Variants in SCN9A observed in about 807,000 individuals in gnomAD.
SCN9A encodes sodium channel protein type 9 subunit alpha.
Under a neutral mutation model 187.0 loss-of-function variants are expected in SCN9A, and 131 were observed. The observed-to-expected ratio is 0.70, with a 90% CI of 0.61 to 0.81. SCN9A has a LOEUF of 0.81. Ranked by LOEUF, SCN9A falls within the 30% of genes least tolerant of loss-of-function variation. SCN9A has a pLI of 0.00. For synonymous variants in SCN9A, 809 were observed against 808.6 expected, an observed-to-expected ratio of 1.00 and a Z score of -0.01; for missense variants, 2,252 against 2,396.6, an observed-to-expected ratio of 0.94 and a Z score of 1.26.
At chr2:166,234,541 G>A (rs74845551) in intron 20 of SCN9A, among the ~76,000 whole-genome samples, 3,151 of 152,156 alleles carry the variant, frequency 0.021, 119 homozygotes, top group African/African-American at 0.073. Context: ...CTGATGAAGC[G>A]GGAAGTGTTT....
intron 1 of SCN9A, among the ~76,000 whole-genome samples, chr2:166,345,225 A>G (rs1699872095): frequency 6.6e-6 from 1 of 152,130 alleles, no homozygotes; most frequent in Non-Finnish European, 1.5e-5. Context: ...GTGGTACTCA[A>G]TGTTCTTTCA....
intron 16 of SCN9A, 115 bp from the exon 17 acceptor site, chr2:166,272,990 A>T (rs1408475264): frequency 8.2e-6 from 4 of 484,938 alleles, no homozygotes; most frequent in Non-Finnish European, 1.1e-5. Flanking sequence ...AGCAACGAAG[A>T]TTTCTGCACC....
In SCN9A at chr2:166,233,320, A is replaced by G. The variant is rs1324679269; in HGVS notation, c.3924+20T>C. On this transcript the variant is annotated intron_variant, in intron 21 of 26. Coordinates refer to ENST00000642356, the MANE Select transcript of SCN9A (RefSeq NM_001365536.1). ...CCCCATTAAAAAATAAGAACATTATAAAGTTTAGTATTTTCTTACCCTCAT... is the reference window on the plus strand; with the variant it reads ...CCCCATTAAAAAATAAGAACATTATGAAGTTTAGTATTTTCTTACCCTCAT... 2 of 1,478,600 alleles carry G rather than the reference A, an allele frequency of 1.4e-6. No individual in the cohort carries two copies. Among genetic ancestry groups the G allele is most frequent in the Non-Finnish European group, 1.8e-6 (2 of 1,113,366 alleles). 91.6% of individuals were successfully genotyped at this position (1,478,600 alleles called of 1,614,324 possible). A position where few individuals can be genotyped will look rare whatever the true frequency, so the allele number is the denominator to read the frequency against.
chr2:166,359,694 T>A (rs1700231923), intron 1 of SCN9A, among the ~76,000 whole-genome samples: 1 of 152,090 alleles, frequency 6.6e-6, no homozygotes, highest in African/African-American at 2.4e-5. Flanking sequence ...TATGGCATTT[T>A]ATAGTAGTTG....
Position 166,254,760 on chromosome 2 carries a change from A to G in SCN9A, c.3352-2875T>C, listed in dbSNP as rs1311808090. 3.3e-5 allele frequency among the ~76,000 whole-genome samples: 5 copies of G among 151,586 alleles called. No homozygotes were observed. The South Asian group carries it at 6.2e-4, about 19-fold the overall frequency. On this transcript the variant is annotated intron_variant, in intron 17 of 26. Coordinates refer to ENST00000642356, the MANE Select transcript of SCN9A (RefSeq NM_001365536.1). ...AGAAATTTCTTTTGCTATTATAAAT[A>G]GGACCTTCTGTAATTTTCACATGGA... is the stretch of plus-strand genomic sequence containing the variant.
At chr2:166,273,815 C>G (rs905018379) in intron 16 of SCN9A, among the ~76,000 whole-genome samples, 1 of 152,040 alleles carries the variant, frequency 6.6e-6, no homozygotes, top group African/African-American at 2.4e-5. Flanking sequence ...TTTTAAAAAT[C>G]GAAGTAAGAC....
chr2:166,230,997 C>T (rs574993023), intron 21 of SCN9A, among the ~76,000 whole-genome samples: 1 of 152,124 alleles, frequency 6.6e-6, no homozygotes, highest in African/African-American at 2.4e-5. Flanking sequence ...AATAGCCCTG[C>T]GGCATGAATA....
Position 166,199,884 on chromosome 2 carries a change from A to G in SCN9A, c.4775-20T>C, listed in dbSNP as rs1693401617. Reference sequence around the variant, plus strand: ...ACATACCTGTATGTGGAGGAAAATAATAGAAATAAAATATTTAAAGATGTA... The same window carrying G: ...ACATACCTGTATGTGGAGGAAAATAGTAGAAATAAAATATTTAAAGATGTA... On this transcript the variant is annotated intron_variant, in intron 26 of 26. Coordinates refer to ENST00000642356, the MANE Select transcript of SCN9A (RefSeq NM_001365536.1). 3.1e-6 allele frequency: 5 copies of G among 1,598,864 alleles called. No individual in the cohort carries two copies. The highest frequency in any genetic ancestry group is 4.3e-6 in the Non-Finnish European group (5 of 1,166,558).
intron 17 of SCN9A, among the ~76,000 whole-genome samples, chr2:166,263,427 T>G (rs1487555977): frequency 6.6e-6 from 1 of 151,990 alleles, no homozygotes; most frequent in Non-Finnish European, 1.5e-5. Context: ...ACTCTGACTT[T>G]TCTTCTTTCC....
chr2:166,208,777 GC>G (rs1230398659), intron 24 of SCN9A, among the ~76,000 whole-genome samples: 2 of 152,206 alleles, frequency 1.3e-5, no homozygotes, highest in Admixed American at 6.5e-5. Flanking sequence ...AAGTTAAAAA[GC>G]AGTAAGTGGC....
At chr2:166,208,612 T>C (rs1450585103) in intron 24 of SCN9A, among the ~76,000 whole-genome samples, 1 of 152,200 alleles carries the variant, frequency 6.6e-6, no homozygotes, top group Non-Finnish European at 1.5e-5. Context: ...TAGTATGTTT[T>C]ATGATTATTA....
At chr2:166,347,638 C>T (rs913775308) in intron 1 of SCN9A, among the ~76,000 whole-genome samples, 2 of 152,202 alleles carry the variant, frequency 1.3e-5, no homozygotes, top group Non-Finnish European at 2.9e-5. Context: ...TCACAACACA[C>T]CTGTGGCATT....
rs748956951 is a variant in SCN9A, at chr2:166,304,245, T to C, written c.681A>G (p.Val227=). The C allele has an allele frequency of 6.2e-7, 1 of 1,613,354 alleles. No individual in the cohort carries two copies. Among genetic ancestry groups the C allele is most frequent in the Non-Finnish European group, 8.5e-7 (1 of 1,179,428 alleles). Residue 227 remains valine (V), a synonymous_variant, in exon 6 of 27, where the codon GTA becomes GTG. Transcript: ENST00000642356. The part of the protein sequence containing the change: ...RVLRALKTIS[V]IPGLKTIVGA... ...ACACCAATTACTTCTTACCTGGGAT[T>C]ACAGAAATAGTTTTCAAAGCTCTCA...
At chr2:166,218,330 C>T (rs959910085) in intron 24 of SCN9A, among the ~76,000 whole-genome samples, 7 of 151,170 alleles carry the variant, frequency 4.6e-5, no homozygotes, top group Middle Eastern at 3.2e-3. Context: ...TAATGGGTGC[C>T]GCACACCAAC....
chr2:166,367,768 T>C (rs1367638402), intron 1 of SCN9A, among the ~76,000 whole-genome samples: 2 of 152,158 alleles, frequency 1.3e-5, no homozygotes, highest in Admixed American at 6.5e-5. Context: ...ATAAAACAAC[T>C]TCAAAAACAC....
chr2:166,212,240 C>A (rs915708508), intron 24 of SCN9A, among the ~76,000 whole-genome samples: 3 of 152,224 alleles, frequency 2.0e-5, no homozygotes, highest in African/African-American at 4.8e-5. Flanking sequence ...AAAATTTGAC[C>A]CTCTGTATCT....
chr2:166,357,304 C>T (rs1361109104), intron 1 of SCN9A, among the ~76,000 whole-genome samples: 1 of 152,120 alleles, frequency 6.6e-6, no homozygotes, highest in Admixed American at 6.6e-5. Flanking sequence ...TTTTAATTTG[C>T]CATAATAAAA....
rs1491160674 is a variant in SCN9A at position 166,311,330 on chromosome 2, C to CCATATATA, written c.258+168_258+169insTATATATG. Among the ~76,000 whole-genome samples the CCATATATA allele has an allele frequency of 1.3e-3, 63 of 46,720 alleles. 1 individual carries two copies. The highest frequency in any genetic ancestry group is 2.0e-3 in the Admixed American group (5 of 2,554). 30.7% of individuals were successfully genotyped at this position (46,720 alleles called of 152,430 possible). On this transcript the variant is annotated intron_variant, in intron 2 of 26. Coordinates refer to ENST00000642356, the MANE Select transcript of SCN9A (RefSeq NM_001365536.1). ...TGAAAAAGTACAGATTCTGAATATC[C>CCATATATA]TATATATATATATATATATATATAT... is the stretch of plus-strand genomic sequence containing the variant.
At chr2:166,357,741 T>G (rs1432464368) in intron 1 of SCN9A, among the ~76,000 whole-genome samples, 2 of 152,198 alleles carry the variant, frequency 1.3e-5, no homozygotes, top group African/African-American at 4.8e-5. Context: ...GTCAAGAAGT[T>G]AGCTTGTGCG....
Sources: gnomAD v4.1 joint callset for allele counts (sites outside exome capture counted in the v4.1 genomes callset) on GRCh38, gnomAD v4.1.1 for gene constraint, MANE v1.5 for transcripts, NCBI Gene and HGNC (gene_info 2026-07-23, HGNC 2026-07-21) for gene names.